MYO1E: variants seen among roughly 807,000 people sequenced by gnomAD.
The protein encoded by MYO1E is unconventional myosin-Ie.
Under a neutral mutation model 151.1 loss-of-function variants are expected in MYO1E, and 68 were observed. That is an observed-to-expected ratio of 0.45 (90% CI 0.37 to 0.55). MYO1E has a LOEUF of 0.55. MYO1E is among the 20% of genes least tolerant of loss of function. The pLI, the probability that MYO1E is intolerant of heterozygous loss-of-function variation, is 0.00. For missense variants in MYO1E, 1,363 were observed against 1,389.3 expected (o/e 0.98, Z 0.30); for synonymous variants, 601 against 501.7 (o/e 1.20, Z -2.64).
In MYO1E at chr15:59,155,128, G is replaced by C. The variant is rs2101393; in HGVS notation, c.2879-1337C>G. 5.1e-3 allele frequency among the ~76,000 whole-genome samples: 774 copies of C among 152,264 alleles called. 5 individuals carry two copies. Among genetic ancestry groups the C allele is most frequent in the African/African-American group, 0.018 (734 of 41,550 alleles). Reference sequence around the variant, plus strand: ...AAGGAGAGGGGCATCTTAGGAGTGTGACATGCCCTCGGGATGTCACATGGC... The same window carrying C: ...AAGGAGAGGGGCATCTTAGGAGTGTCACATGCCCTCGGGATGTCACATGGC... On this transcript the variant is annotated intron_variant, in intron 25 of 27. Coordinates refer to ENST00000288235, the MANE Select transcript of MYO1E (RefSeq NM_004998.4).
intron 4 of MYO1E, among the ~76,000 whole-genome samples, chr15:59,254,963 C>T (rs1463293888): frequency 6.6e-6 from 1 of 152,068 alleles, no homozygotes; most frequent in Non-Finnish European, 1.5e-5. Context: ...GTATCTGGGA[C>T]TACAGGCATG....
intron 10 of MYO1E, among the ~76,000 whole-genome samples, chr15:59,217,038 T>C (rs1386954795): frequency 2.0e-5 from 3 of 152,122 alleles, no homozygotes; most frequent in East Asian, 1.9e-4. Flanking sequence ...AACAGCCACA[T>C]GGGCAATCCA....
intron 2 of MYO1E, among the ~76,000 whole-genome samples, chr15:59,265,792 T>TAAAA (rs59957325): frequency 2.8e-5 from 3 of 106,310 alleles, no homozygotes; most frequent in Non-Finnish European, 3.8e-5. Context: ...CCCATCTCCT[T>TAAAA]AAAAAAAAAA....
chr15:59,345,377 T>A (rs2080788543), intron 1 of MYO1E, among the ~76,000 whole-genome samples: 1 of 152,186 alleles, frequency 6.6e-6, no homozygotes, highest in African/African-American at 2.4e-5. Context: ...CTCAGCTTTC[T>A]CTTGGGGAGC....
intron 1 of MYO1E, among the ~76,000 whole-genome samples, chr15:59,333,422 T>C (rs1222639252): frequency 6.6e-6 from 1 of 152,150 alleles, no homozygotes; most frequent in Non-Finnish European, 1.5e-5. Flanking sequence ...TTTGTATTTT[T>C]TGTAGAGATG....
At chr15:59,290,113 T>G (rs1461296536) in intron 1 of MYO1E, among the ~76,000 whole-genome samples, 1 of 152,194 alleles carries the variant, frequency 6.6e-6, no homozygotes, top group East Asian at 1.9e-4. Flanking sequence ...TGATCCCCAT[T>G]TAACAGATGA....
chr15:59,314,605 A>C (rs1400359952), intron 1 of MYO1E, among the ~76,000 whole-genome samples: 1 of 152,034 alleles, frequency 6.6e-6, no homozygotes. Context: ...GCTTAGGCTC[A>C]TTATACAACC....
intron 1 of MYO1E, among the ~76,000 whole-genome samples, chr15:59,300,948 A>C (rs1403203247): frequency 6.7e-6 from 1 of 148,154 alleles, no homozygotes; most frequent in East Asian, 2.0e-4. Flanking sequence ...GCTCATTGCA[A>C]CCTCTGCCTC....
chr15:59,192,697 G>T (rs1454693122), intron 17 of MYO1E, among the ~76,000 whole-genome samples: 1 of 152,190 alleles, frequency 6.6e-6, no homozygotes, highest in Non-Finnish European at 1.5e-5. Flanking sequence ...TTGAAATGGG[G>T]GAAGGTGGGC....
At chr15:59,367,371 A>C (rs1596446137) in intron 1 of MYO1E, among the ~76,000 whole-genome samples, 1 of 152,306 alleles carries the variant, frequency 6.6e-6, no homozygotes, top group South Asian at 2.1e-4. Flanking sequence ...ATGAGATTCA[A>C]CTGAAAAAGG....
At chr15:59,279,706 T>C (rs946781566) in intron 1 of MYO1E, among the ~76,000 whole-genome samples, 2 of 151,994 alleles carry the variant, frequency 1.3e-5, no homozygotes. Flanking sequence ...CATGATCCAG[T>C]GCATGGAAGG....
At position 59,350,982 on chromosome 15, in the gene MYO1E, C is replaced by T. The variant is rs1045506596; in HGVS notation, c.3+21516G>A. 2.6e-5 allele frequency among the ~76,000 whole-genome samples: 4 copies of T among 152,206 alleles called. No individual in the cohort carries two copies. The highest frequency in any genetic ancestry group is 7.2e-5 in the African/African-American group (3 of 41,442). On this transcript the variant is annotated intron_variant, in intron 1 of 27. Transcript: ENST00000288235. This position sits in a 1 kb window ranked among gnomAD's most constrained non-coding sequence, Gnocchi z 5.0. ...CGCGATCTCGGCTCAATGCAAGCTC[C>T]GCCTCCCAGGTTCACGCCATTCTCC... is the stretch of plus-strand genomic sequence containing the variant.
At chr15:59,174,073 C>G (rs1329684254) in intron 20 of MYO1E, 53 bp downstream of exon 20, 2 of 1,539,532 alleles carry the variant, frequency 1.3e-6, no homozygotes, top group Non-Finnish European at 1.8e-6. Context: ...CACTTAAGCT[C>G]CAATTTACTC....
At chr15:59,139,844 C>T (rs565115965) in intron 26 of MYO1E, among the ~76,000 whole-genome samples, 3 of 152,054 alleles carry the variant, frequency 2.0e-5, no homozygotes, top group Admixed American at 2.0e-4. Flanking sequence ...CATTACTCCA[C>T]AATCTTCCCT....
At chr15:59,297,437 A>ATTTTTTCTTTT in intron 1 of MYO1E, among the ~76,000 whole-genome samples, 1 of 63,454 alleles carries the variant, frequency 1.6e-5, no homozygotes, top group Non-Finnish European at 3.7e-5. Flanking sequence ...CACCCAGCTA[A>ATTTTTTCTTTT]TTTTTTTTTT....
chr15:59,193,306 T>C (rs12915115), intron 17 of MYO1E, among the ~76,000 whole-genome samples: 49,187 of 151,812 alleles, frequency 0.32, 8,366 homozygotes, highest in East Asian at 0.59. Flanking sequence ...TTCTGTATGA[T>C]TGATTGATTG....
chr15:59,311,943 C>A (rs1007209307), intron 1 of MYO1E, among the ~76,000 whole-genome samples: 2 of 152,166 alleles, frequency 1.3e-5, no homozygotes, highest in Admixed American at 6.5e-5. Flanking sequence ...AGAAGGCCCT[C>A]ACTAGATGCA....
intron 15 of MYO1E, among the ~76,000 whole-genome samples, chr15:59,204,584 T>C (rs2140335543): frequency 6.6e-6 from 1 of 152,294 alleles, no homozygotes; most frequent in South Asian, 2.1e-4. Flanking sequence ...TTGAGAACCT[T>C]TTCAGGGAAA....
intron 2 of MYO1E, among the ~76,000 whole-genome samples, chr15:59,268,959 G>A (rs187450153): frequency 6.6e-6 from 1 of 151,872 alleles, no homozygotes; most frequent in Non-Finnish European, 1.5e-5. Context: ...CCAAAAAACC[G>A]TATTTCCATC....
Sources: gnomAD v4.1 joint callset for allele counts (sites outside exome capture counted in the v4.1 genomes callset) on GRCh38, gnomAD v4.1.1 for gene constraint, Gnocchi (gnomAD v3.1) non-coding constraint, MANE v1.5 for transcripts, NCBI Gene and HGNC (gene_info 2026-07-23, HGNC 2026-07-21) for gene names.